The following LYZL1 variants were observed in gnomAD, a reference collection of about 807,000 sequenced individuals.
The protein encoded by LYZL1 is lysozyme-like protein 1.
Under a neutral mutation model 17.9 loss-of-function variants are expected in LYZL1, and 16 were observed. The observed-to-expected ratio is 0.90, with a 90% CI of 0.61 to 1.36. LYZL1 has a LOEUF of 1.36. Ranked by LOEUF, LYZL1 falls within the 40% of genes most tolerant of loss-of-function variation. LYZL1 has a pLI of 0.00. For synonymous variants in LYZL1, 58 were observed against 71.8 expected (o/e 0.81, Z 0.97); for missense variants, 149 against 188.4 (o/e 0.79, Z 1.22).
downstream of LYZL1, among the ~76,000 whole-genome samples, chr10:29,313,253 A>C (rs1479109961): frequency 6.6e-6 from 1 of 152,246 alleles, no homozygotes. Flanking sequence ...TAGCTGAAGA[A>C]AATTTGAAAA....
At chr10:29,306,860 GAGAGAGA>G (rs1835603887) in intron 3 of LYZL1, among the ~76,000 whole-genome samples, 5 of 150,284 alleles carry the variant, frequency 3.3e-5, no homozygotes, top group African/African-American at 5.0e-5. Context: ...GAGAGAGAGA[GAGAGAGA>G]AGAACACTTA....
chr10:29,304,488 G>A (rs1835564101), intron 3 of LYZL1, among the ~76,000 whole-genome samples: 1 of 151,990 alleles, frequency 6.6e-6, no homozygotes, highest in South Asian at 2.1e-4. Context: ...GAGAGACACA[G>A]ATACTTTGAA....
chr10:29,317,282 C>G (rs1422412280), intron 3 of LYZL1: 3 of 152,194 alleles, frequency 2.0e-5, no homozygotes, highest in African/African-American at 7.2e-5. Context: ...CCTCTTCTCA[C>G]TGTTTATTCT....
Position 29,292,495 on chromosome 10 carries a change from C to T in LYZL1, c.140-24C>T, listed in dbSNP as rs757132519. 2.2e-5 allele frequency: 35 copies of T among 1,609,596 alleles called. No homozygotes were observed. In the South Asian group the frequency reaches 2.2e-4, roughly 10 times the overall value. On this transcript the variant is annotated intron_variant, in intron 2 of 4. Coordinates refer to ENST00000649382, the MANE Select transcript of LYZL1 (RefSeq NM_032517.6). Reference sequence around the variant, plus strand: ...GCAAAAGATGCACTTCCTTTGCTGGCGTTTCTGGCTTTCCCCCCTCCAGGG... The same window carrying T: ...GCAAAAGATGCACTTCCTTTGCTGGTGTTTCTGGCTTTCCCCCCTCCAGGG...
At chr10:29,317,946 TA>T (rs397801860) in intron 4 of LYZL1, among the ~76,000 whole-genome samples, 9,687 of 143,100 alleles carry the variant, frequency 0.068, 351 homozygotes, top group Middle Eastern at 0.12. Flanking sequence ...CCTGTCTCTT[TA>T]AAAAAAAAAA....
chr10:29,310,981 C>T lies in LYZL1; in HGVS notation c.378-9C>T. The T allele has an allele frequency of 1.2e-6, 2 of 1,614,214 alleles. No individual in the cohort carries two copies. Among genetic ancestry groups the T allele is most frequent in the Non-Finnish European group, 1.7e-6 (2 of 1,180,046 alleles). ...CTTTCTGCTGCTCCTGCTTCCCTCT[C>T]ATCCTCAGGCAAGGCTGGAAGAAAC... On this transcript the variant is annotated splice_polypyrimidine_tract_variant and intron_variant, in intron 4 of 4. Transcript: ENST00000649382.
chr10:29,289,363 G>C lies in LYZL1; in HGVS notation c.-26+133G>C, dbSNP rs940857842. On this transcript the variant is annotated intron_variant, in intron 1 of 4. Transcript: ENST00000649382. ...GAGATCAGTAAAATTCTAAGGCAGG[G>C]GATGGAAACCAACTCTATTTGTAAG... 2.8e-5 allele frequency: 17 copies of C among 604,568 alleles called. No individual in the cohort carries two copies. In the African/African-American group the frequency reaches 2.8e-4, roughly 10 times the overall value. 37.5% of individuals were successfully genotyped at this position (604,568 alleles called of 1,614,324 possible).
intron 3 of LYZL1, 33 bp downstream of exon 3, chr10:29,292,710 C>T: frequency 1.3e-6 from 2 of 1,590,592 alleles, no homozygotes; most frequent in South Asian, 1.1e-5. Flanking sequence ...ATGCCATCCT[C>T]AGGACTAGGC....
intron 3 of LYZL1, 57 bp from the exon 4 acceptor site, chr10:29,310,053 A>G: frequency 1.6e-6 from 2 of 1,240,602 alleles, no homozygotes; most frequent in East Asian, 2.4e-5. Context: ...AGTTGAGTTG[A>G]GGTCCCTCTC....
chr10:29,309,980 T>C, intron 3 of LYZL1, 130 bp from the exon 4 acceptor site: 2 of 629,870 alleles, frequency 3.2e-6, no homozygotes, highest in Non-Finnish European at 2.7e-6. Flanking sequence ...ATTGTGGCTT[T>C]GCAGGCAAAA....
chr10:29,310,017 C>T (rs1186050459), intron 3 of LYZL1, 93 bp from the exon 4 acceptor site: 3 of 869,392 alleles, frequency 3.5e-6, no homozygotes, highest in East Asian at 2.6e-5. Context: ...CCTCTTGATC[C>T]AAAAAGACTG....
chr10:29,315,930 C>G (rs1318111806), downstream of LYZL1, among the ~76,000 whole-genome samples: 1 of 152,224 alleles, frequency 6.6e-6, no homozygotes, highest in Non-Finnish European at 1.5e-5. Flanking sequence ...CTCAGCCCCC[C>G]GGTGATGCTT....
chr10:29,292,631 A>G lies in LYZL1; in HGVS notation c.252A>G (p.Arg84=), dbSNP rs755273661. ...IFQINSFAWC[R]RGKLKENNHC... ...AGATCAACAGCTTCGCGTGGTGCAG[A>G]CGCGGAAAGCTGAAGGAGAACAACC... Residue 84 remains arginine, a synonymous_variant, in exon 3 of 5, where the codon AGA becomes AGG. Transcript: ENST00000649382. 6.2e-7 allele frequency: 1 copy of G among 1,614,248 alleles called. No individual in the cohort carries two copies. Among genetic ancestry groups the G allele is most frequent in the East Asian group, 2.2e-5 (1 of 44,886 alleles).
downstream of LYZL1, among the ~76,000 whole-genome samples, chr10:29,315,785 G>A (rs1835723280): frequency 6.6e-6 from 1 of 151,694 alleles, no homozygotes; most frequent in African/African-American, 2.4e-5. Flanking sequence ...GAAGGTCAAG[G>A]CTGCAGTGAG....
At chr10:29,303,273 C>T (rs1423055442) in intron 3 of LYZL1, among the ~76,000 whole-genome samples, 2 of 152,152 alleles carry the variant, frequency 1.3e-5, no homozygotes, top group African/African-American at 2.4e-5. Context: ...TCTGTCTCCT[C>T]CTCTTAGATG....
At chr10:29,314,962 C>T (rs1215643100), downstream of LYZL1, among the ~76,000 whole-genome samples, 1 of 152,148 alleles carries the variant, frequency 6.6e-6, no homozygotes, top group Non-Finnish European at 1.5e-5. Flanking sequence ...GAGCCCTTCA[C>T]CTGTGTTCCA....
chr10:29,305,321 C>T (rs576815148), intron 3 of LYZL1, among the ~76,000 whole-genome samples: 1 of 152,118 alleles, frequency 6.6e-6, no homozygotes, highest in South Asian at 2.1e-4. Flanking sequence ...TAATTATTAA[C>T]TTTATTAACA....
Position 29,310,109 on chromosome 10 carries a change from G to A in LYZL1, c.299-1G>A, listed in dbSNP as rs1835649990. 1 of 1,609,174 alleles carries A rather than the reference G, an allele frequency of 6.2e-7. No homozygotes were observed. Among genetic ancestry groups the A allele is most frequent in the African/African-American group, 1.3e-5 (1 of 74,806 alleles). On this transcript the variant is annotated splice_acceptor_variant, in intron 3 of 4. Transcript: ENST00000649382. LOFTEE classifies it high-confidence loss of function. ...ACCCTGATGTCTTCTCTCTTTTACA[G>A]CCTTGATCACTGATGACCTCACAGA...
intron 3 of LYZL1, among the ~76,000 whole-genome samples, chr10:29,292,946 A>G (rs1377956902): frequency 1.3e-5 from 2 of 152,116 alleles, no homozygotes; most frequent in Non-Finnish European, 2.9e-5. Context: ...CTGCCCTTTC[A>G]TGTTAGAGAT....
Sources: allele counts gnomAD v4.1 joint callset (sites outside exome capture counted in the v4.1 genomes callset), GRCh38; gene constraint gnomAD v4.1.1; transcripts MANE v1.5; gene names NCBI Gene and HGNC (gene_info 2026-07-23, HGNC 2026-07-21).